Variants in WWOX observed in about 807,000 individuals in gnomAD.
WWOX encodes the protein WW domain containing oxidoreductase, also known as WW domain-containing oxidoreductase.
A neutral mutation model predicts 46.2 loss-of-function variants in WWOX; 69 were observed. That is an observed-to-expected ratio of 1.49 (90% CI 1.23 to 1.82). The LOEUF (loss-of-function observed/expected upper bound fraction) is 1.82, where lower values mean the gene tolerates loss of function less well. Ranked by LOEUF, WWOX falls within the 40% of genes most tolerant of loss-of-function variation. The probability of loss-of-function intolerance (pLI) is 0.00; values close to 1 mark genes in which losing one functional copy is unlikely to be tolerated. For missense variants in WWOX, 919 were observed against 542.6 expected (o/e 1.69, Z -6.89); for synonymous variants, 359 against 202.6 (o/e 1.77, Z -6.56).
At chr16:79,112,605 G>C (rs953354460) in intron 8 of WWOX, among the ~76,000 whole-genome samples, 3 of 152,040 alleles carry the variant, frequency 2.0e-5, no homozygotes, top group African/African-American at 7.2e-5. Flanking sequence ...TTTTCATCTC[G>C]GTTTTATTTC....
chr16:78,821,095 A>T (rs2051480658), intron 8 of WWOX, among the ~76,000 whole-genome samples: 1 of 152,152 alleles, frequency 6.6e-6, no homozygotes, highest in South Asian at 2.1e-4. Context: ...ACATGTTTCT[A>T]GGGGGACACT....
At chr16:78,214,113 C>T (rs887645920) in intron 5 of WWOX, among the ~76,000 whole-genome samples, 5 of 152,240 alleles carry the variant, frequency 3.3e-5, no homozygotes, top group African/African-American at 9.6e-5. Flanking sequence ...GGGCTGGGCT[C>T]ATGACTGGGT....
chr16:78,320,779 G>C (rs960533841), intron 5 of WWOX, among the ~76,000 whole-genome samples: 1 of 152,198 alleles, frequency 6.6e-6, no homozygotes, highest in Non-Finnish European at 1.5e-5. Context: ...TTGCCTAACA[G>C]AAGAGAGAAG....
intron 8 of WWOX, among the ~76,000 whole-genome samples, chr16:79,189,595 C>G (rs1165075800): frequency 2.0e-5 from 3 of 151,946 alleles, no homozygotes; most frequent in African/African-American, 4.8e-5. Context: ...GCCACTGTGC[C>G]CAGCCTAGGA....
At chr16:78,475,944 A>C (rs971382411) in intron 8 of WWOX, among the ~76,000 whole-genome samples, 1 of 152,172 alleles carries the variant, frequency 6.6e-6, no homozygotes, top group East Asian at 1.9e-4. Flanking sequence ...TTATTAATTT[A>C]TTATGGTAAT....
chr16:78,693,151 T>G (rs969355854), intron 8 of WWOX, among the ~76,000 whole-genome samples: 4 of 152,222 alleles, frequency 2.6e-5, no homozygotes, highest in Non-Finnish European at 5.9e-5. Context: ...ACAATGTATA[T>G]TTAAAAAGCA....
chr16:78,746,223 C>A (rs181183881), intron 8 of WWOX, among the ~76,000 whole-genome samples: 51 of 152,332 alleles, frequency 3.3e-4, no homozygotes, highest in African/African-American at 1.2e-3. Flanking sequence ...CAGGACTGAG[C>A]ATGGTGGCTC....
At chr16:78,463,270 C>T (rs1021939600) in intron 8 of WWOX, among the ~76,000 whole-genome samples, 1 of 152,136 alleles carries the variant, frequency 6.6e-6, no homozygotes, top group Non-Finnish European at 1.5e-5. Flanking sequence ...GGTGCCCTTG[C>T]AGGTATAGGT....
intron 8 of WWOX, among the ~76,000 whole-genome samples, chr16:78,534,780 G>A (rs1425519416): frequency 6.6e-6 from 1 of 151,942 alleles, no homozygotes; most frequent in African/African-American, 2.4e-5. Flanking sequence ...CACAATCTCA[G>A]CTCACTGCAA....
chr16:78,919,144 C>A (rs917347000), intron 8 of WWOX, among the ~76,000 whole-genome samples: 2 of 152,250 alleles, frequency 1.3e-5, no homozygotes, highest in African/African-American at 4.8e-5. Flanking sequence ...ACAATGACCG[C>A]AATAACCAAC....
intron 8 of WWOX, among the ~76,000 whole-genome samples, chr16:78,499,274 G>A (rs1033636007): frequency 6.6e-6 from 1 of 152,144 alleles, no homozygotes; most frequent in South Asian, 2.1e-4. Context: ...AAGCTACGAT[G>A]TTCTTATGTG....
intron 8 of WWOX, among the ~76,000 whole-genome samples, chr16:78,561,655 A>C (rs1413928498): frequency 6.6e-6 from 1 of 152,194 alleles, no homozygotes; most frequent in Non-Finnish European, 1.5e-5. Context: ...AGAAAGTTTA[A>C]TATAAAAGAA....
chr16:78,146,212 C>A (rs1046274243), intron 4 of WWOX, among the ~76,000 whole-genome samples: 8 of 152,206 alleles, frequency 5.3e-5, no homozygotes, highest in African/African-American at 1.7e-4. Context: ...TGCTTAGGCT[C>A]CCGCTGCTGA....
rs145031506 is a variant in WWOX at position 78,893,075 on chromosome 16, C to T, written c.1057-318533C>T. ...CGTGAGGTCAGAGGAGCACTGGAGT[C>T]AGGAGTTTCCATCTCCACCCTGCTG... On this transcript the variant is annotated intron_variant, in intron 8 of 8. Transcript: ENST00000566780. 9.7e-4 allele frequency among the ~76,000 whole-genome samples: 147 copies of T among 152,194 alleles called. 1 individual carries two copies. The highest frequency in any genetic ancestry group is 3.4e-3 in the African/African-American group (140 of 41,528).
intron 8 of WWOX, among the ~76,000 whole-genome samples, chr16:78,922,171 C>G (rs1021081416): frequency 6.6e-6 from 1 of 152,024 alleles, no homozygotes; most frequent in African/African-American, 2.4e-5. Flanking sequence ...TGATCTCAGC[C>G]TCCAAGTCAA....
At chr16:78,461,412 G>A (rs745390479) in intron 8 of WWOX, among the ~76,000 whole-genome samples, 6 of 152,180 alleles carry the variant, frequency 3.9e-5, no homozygotes, top group South Asian at 4.1e-4. Context: ...AAGAAAGAGC[G>A]TATTTATAGA....
intron 8 of WWOX, among the ~76,000 whole-genome samples, chr16:78,844,465 C>G (rs1048176376): frequency 3.9e-5 from 6 of 152,068 alleles, no homozygotes; most frequent in Admixed American, 2.0e-4. Context: ...GAAGCCTTCT[C>G]TATTACCAGT....
chr16:78,823,180 A>T (rs1015425430), intron 8 of WWOX, among the ~76,000 whole-genome samples: 4 of 152,202 alleles, frequency 2.6e-5, no homozygotes, highest in African/African-American at 7.2e-5. Flanking sequence ...AGGTCATTCA[A>T]ATCTAATGGT....
At chr16:78,774,521 T>C (rs1266081215) in intron 8 of WWOX, among the ~76,000 whole-genome samples, 1 of 109,390 alleles carries the variant, frequency 9.1e-6, no homozygotes, top group African/African-American at 3.1e-5. Context: ...TGTGTGTGTG[T>C]GTGTGTGTGT....
Sources: allele counts gnomAD v4.1 joint callset (sites outside exome capture counted in the v4.1 genomes callset), GRCh38; gene constraint gnomAD v4.1.1; transcripts MANE v1.5; gene names NCBI Gene and HGNC (gene_info 2026-07-23, HGNC 2026-07-21).